Variants in MGMT observed in about 807,000 individuals in gnomAD.
MGMT encodes the protein O-6-methylguanine-DNA methyltransferase.
MGMT carries 14 observed loss-of-function variants against 15.9 expected under a neutral mutation model. The ratio of observed to expected loss-of-function variants is 0.88; its 90% CI spans 0.58 to 1.37. The LOEUF (loss-of-function observed/expected upper bound fraction) is 1.37. Ranked by LOEUF, MGMT falls within the 40% of genes most tolerant of loss-of-function variation. The pLI, the probability that MGMT is intolerant of heterozygous loss-of-function variation, is 0.00. For synonymous variants in MGMT, 130 were observed against 118.2 expected (o/e 1.10, Z -0.65); for missense variants, 282 against 268.1 (o/e 1.05, Z -0.36).
chr10:129,538,372 A>G (rs1342322065), intron 2 of MGMT, among the ~76,000 whole-genome samples: 2 of 152,184 alleles, frequency 1.3e-5, no homozygotes, highest in Non-Finnish European at 2.9e-5. Context: ...CTGGATGGCA[A>G]ATGTATGTTT....
chr10:129,674,565 C>T (rs1191565521), intron 2 of MGMT, among the ~76,000 whole-genome samples: 3 of 152,264 alleles, frequency 2.0e-5, no homozygotes, highest in African/African-American at 7.2e-5. Flanking sequence ...ATGTGTTTCT[C>T]TTTGGTAACC....
At chr10:129,624,369 T>C (rs1326026422) in intron 2 of MGMT, among the ~76,000 whole-genome samples, 1 of 152,136 alleles carries the variant, frequency 6.6e-6, no homozygotes, top group East Asian at 1.9e-4. Context: ...CTGCAGCCTG[T>C]TGGACCCCGG....
intron 1 of MGMT, among the ~76,000 whole-genome samples, chr10:129,511,027 T>C (rs1408133569): frequency 7.0e-6 from 1 of 142,444 alleles, no homozygotes; most frequent in Non-Finnish European, 1.5e-5. Context: ...CTTCCTGTAA[T>C]GGGAACCCGT....
intron 3 of MGMT, among the ~76,000 whole-genome samples, chr10:129,757,700 A>G (rs1589978864): frequency 1.3e-5 from 2 of 152,202 alleles, no homozygotes; most frequent in Admixed American, 1.3e-4. Context: ...TGATTTCAAA[A>G]CGTTTTCTGA....
chr10:129,736,459 G>C (rs1340200327), intron 3 of MGMT, among the ~76,000 whole-genome samples: 3 of 146,674 alleles, frequency 2.0e-5, no homozygotes, highest in Non-Finnish European at 3.0e-5. Flanking sequence ...GTGTGTCTCT[G>C]CCCGTGAGAT....
intron 2 of MGMT, among the ~76,000 whole-genome samples, chr10:129,626,755 A>AT (rs1235144122): frequency 2.0e-5 from 3 of 152,234 alleles, no homozygotes; most frequent in Non-Finnish European, 4.4e-5. Context: ...GAAGCGCCTT[A>AT]CGTAAAGCAA....
At chr10:129,564,569 A>C (rs1168261159) in intron 2 of MGMT, among the ~76,000 whole-genome samples, 22 of 45,994 alleles carry the variant, frequency 4.8e-4, no homozygotes, top group South Asian at 1.0e-3. Flanking sequence ...CTTCCTCCTC[A>C]TTATTTTCCT....
In MGMT at chr10:129,532,071, A is replaced by G. The variant is rs1294508066; in HGVS notation, c.-12-4170A>G. On this transcript the variant is annotated intron_variant, in intron 1 of 4. Coordinates refer to ENST00000651593, the MANE Select transcript of MGMT (RefSeq NM_002412.5). The surrounding 1 kb of genome is among the most constrained non-coding windows in gnomAD (Gnocchi z 5.3). Reference sequence around the variant, plus strand: ...TGGATGGAGCTCACCTGGTCCCCCCAGCTCCCTGCTTTGTGATTGATTCAG... The same window carrying G: ...TGGATGGAGCTCACCTGGTCCCCCCGGCTCCCTGCTTTGTGATTGATTCAG... 6.6e-6 allele frequency among the ~76,000 whole-genome samples: 1 copy of G among 152,168 alleles called. No individual in the cohort carries two copies. Among genetic ancestry groups the G allele is most frequent in the Non-Finnish European group, 1.5e-5 (1 of 68,032 alleles).
chr10:129,594,106 G>A lies in MGMT; in HGVS notation c.125+57729G>A, dbSNP rs60305256. 2.3e-3 allele frequency among the ~76,000 whole-genome samples: 355 copies of A among 152,314 alleles called. 9 individuals carry two copies. In the East Asian group the frequency reaches 0.058, roughly 25 times the overall value. On this transcript the variant is annotated intron_variant, in intron 2 of 4. Coordinates refer to ENST00000651593, the MANE Select transcript of MGMT (RefSeq NM_002412.5). ...ATTCACCTCTGAGTGATCTGTGGGG[G>A]CAGCCCTGTGTTGGTGCCTGAGGCC... is the stretch of plus-strand genomic sequence containing the variant.
At chr10:129,479,840 G>T (rs1320319036) in intron 1 of MGMT, among the ~76,000 whole-genome samples, 1 of 151,954 alleles carries the variant, frequency 6.6e-6, no homozygotes, top group Non-Finnish European at 1.5e-5. Flanking sequence ...CTTGCTGGGG[G>T]TCCTCACATT....
At position 129,625,412 on chromosome 10, in the gene MGMT, T is replaced by C. The variant is rs1033285175; in HGVS notation, c.126-82483T>C. Among the ~76,000 whole-genome samples the C allele has an allele frequency of 3.3e-5, 5 of 152,318 alleles. No individual in the cohort carries two copies. In the South Asian group the frequency reaches 1.0e-3, roughly 32 times the overall value. On this transcript the variant is annotated intron_variant, in intron 2 of 4. Coordinates refer to ENST00000651593, the MANE Select transcript of MGMT (RefSeq NM_002412.5). ...AAGATGCCAAGATGTGTCAAGGATG[T>C]TTGAGAAATGGTAACCACAGACCAA...
At position 129,761,497 on chromosome 10, in the gene MGMT, G is replaced by A. The variant is rs542594607; in HGVS notation, c.414+2156G>A. On this transcript the variant is annotated intron_variant, in intron 4 of 4. Coordinates refer to ENST00000651593, the MANE Select transcript of MGMT (RefSeq NM_002412.5). The stretch of plus-strand genomic sequence containing the variant: ...GCAGTGGAGATGCCGTCGCTGGTTA[G>A]CAATCCTGCTTGTGGCGATATTCGG... Among the ~76,000 whole-genome samples the A allele has an allele frequency of 5.1e-4, 78 of 152,354 alleles. No individual in the cohort carries two copies. In the South Asian group the frequency reaches 0.016, roughly 30 times the overall value.
At chr10:129,667,753 C>T (rs563517898) in intron 2 of MGMT, among the ~76,000 whole-genome samples, 9 of 152,192 alleles carry the variant, frequency 5.9e-5, no homozygotes, top group Non-Finnish European at 1.3e-4. Context: ...TTGCTCCACT[C>T]GGGTGCCCGT....
chr10:129,578,686 A>C (rs982673075), intron 2 of MGMT, among the ~76,000 whole-genome samples: 23 of 152,230 alleles, frequency 1.5e-4, no homozygotes, highest in African/African-American at 5.3e-4. Context: ...GTATAATAAT[A>C]AGAAAGAAAC....
intron 1 of MGMT, among the ~76,000 whole-genome samples, chr10:129,498,969 C>T (rs529110286): frequency 8.1e-4 from 124 of 152,340 alleles, no homozygotes; most frequent in African/African-American, 3.0e-3. Context: ...ACTGCAAGTT[C>T]ATCTGATGCC....
At chr10:129,588,937 G>A (rs1308580484) in intron 2 of MGMT, among the ~76,000 whole-genome samples, 1 of 152,280 alleles carries the variant, frequency 6.6e-6, no homozygotes, top group Admixed American at 6.5e-5. Context: ...CCCTCAGGGG[G>A]AGGGAAGCTG....
chr10:129,490,503 A>G (rs977915741), intron 1 of MGMT, among the ~76,000 whole-genome samples: 22 of 1,572 alleles, frequency 0.014, no homozygotes, highest in Non-Finnish European at 9.1e-3. Flanking sequence ...CTTTATTGTT[A>G]TTAAGATTAT....
intron 2 of MGMT, among the ~76,000 whole-genome samples, chr10:129,595,093 T>G (rs1185324908): frequency 6.6e-6 from 1 of 152,214 alleles, no homozygotes; most frequent in Non-Finnish European, 1.5e-5. Flanking sequence ...CAGTGTTAGT[T>G]CATTCCATGT....
rs140799216 is a variant in MGMT at position 129,687,099 on chromosome 10, G to T, written c.126-20796G>T. Among the ~76,000 whole-genome samples the T allele has an allele frequency of 2.9e-3, 437 of 152,220 alleles. 3 individuals are homozygous for T. The highest frequency in any genetic ancestry group is 0.01 in the African/African-American group (429 of 41,534). ...CTGTGTCACAAATAGTAGGTTCTCA[G>T]CAAGTGTGCTGAACCAAGGGGTAAG... On this transcript the variant is annotated intron_variant, in intron 2 of 4. Coordinates refer to ENST00000651593, the MANE Select transcript of MGMT (RefSeq NM_002412.5).
Sources: gnomAD v4.1 joint callset for allele counts (sites outside exome capture counted in the v4.1 genomes callset) on GRCh38, gnomAD v4.1.1 for gene constraint, Gnocchi (gnomAD v3.1) non-coding constraint, MANE v1.5 for transcripts, NCBI Gene and HGNC (gene_info 2026-07-23, HGNC 2026-07-21) for gene names.